The following LPIN2 variants were observed in gnomAD, a reference collection of about 807,000 sequenced individuals.
LPIN2 encodes the protein phosphatidate phosphatase LPIN2.
In LPIN2, 55 loss-of-function variants were observed where a neutral mutation model predicts 111.4. The observed-to-expected ratio is 0.49, with a 90% CI of 0.40 to 0.62. The LOEUF (loss-of-function observed/expected upper bound fraction) is 0.62. LPIN2 is among the 20% of genes least tolerant of loss of function. LPIN2 has a pLI of 0.00. For synonymous variants in LPIN2, 425 were observed against 414.0 expected (o/e 1.03, Z -0.32); for missense variants, 992 against 1,112.1 (o/e 0.89, Z 1.54).
At chr18:2,944,100 T>C (rs1410863906) in intron 4 of LPIN2, among the ~76,000 whole-genome samples, 2 of 151,982 alleles carry the variant, frequency 1.3e-5, no homozygotes, top group East Asian at 3.8e-4. Context: ...TCCTAATTTT[T>C]CTTCTTAAGC....
intron 18 of LPIN2, 70 bp from the exon 19 acceptor site, chr18:2,920,951 T>A: frequency 2.9e-6 from 3 of 1,051,266 alleles, no homozygotes; most frequent in Non-Finnish European, 4.5e-6. Flanking sequence ...AGGCTCCTTG[T>A]GAGCCAGAAG....
intron 1 of LPIN2, among the ~76,000 whole-genome samples, chr18:2,975,424 T>C (rs2077995684): frequency 6.6e-6 from 1 of 152,140 alleles, no homozygotes; most frequent in Non-Finnish European, 1.5e-5. Context: ...AACTTCTGCC[T>C]CCCGGGTTCA....
chr18:2,995,446 A>G (rs920411898), intron 1 of LPIN2, among the ~76,000 whole-genome samples: 9 of 151,594 alleles, frequency 5.9e-5, no homozygotes, highest in Non-Finnish European at 1.0e-4. Flanking sequence ...GTTTTGGTGT[A>G]AAACTGTTTA....
At chr18:2,986,104 G>A (rs2078181748) in intron 1 of LPIN2, among the ~76,000 whole-genome samples, 1 of 152,210 alleles carries the variant, frequency 6.6e-6, no homozygotes, top group African/African-American at 2.4e-5. Flanking sequence ...CAAAGCATAT[G>A]AAGTGTTTCT....
At position 2,920,353 on chromosome 18, in the gene LPIN2, G is replaced by A; in HGVS notation, c.2631C>T (p.Phe877=). 1.2e-6 allele frequency: 2 copies of A among 1,614,156 alleles called. No individual in the cohort carries two copies. Among genetic ancestry groups the A allele is most frequent in the Non-Finnish European group, 1.7e-6 (2 of 1,180,044 alleles). The part of the protein sequence containing the change: ...EQNSAFPCPE[F]SSFCYWRDPI... ...GGTCTCGCCAGTAGCAGAAGGAGCT[G>A]AACTCCGGGCAGGGAAAAGCGGAAT... Residue 877 remains phenylalanine, a synonymous_variant, in exon 20 of 20, where the codon TTC becomes TTT. Coordinates refer to ENST00000677752, the MANE Select transcript of LPIN2 (RefSeq NM_001375808.2).
At chr18:2,979,068 C>T (rs1424688861) in intron 1 of LPIN2, 2 of 152,384 alleles carry the variant, frequency 1.3e-5, no homozygotes, top group African/African-American at 2.4e-5. Context: ...TGCCTCACTT[C>T]CTGGCCTCAA....
rs757677907 is a variant in LPIN2 at position 2,923,855 on chromosome 18, A to G, written c.2094T>C (p.Asp698=). 1 of 1,614,024 alleles carries G rather than the reference A, an allele frequency of 6.2e-7. No individual in the cohort carries two copies. Among genetic ancestry groups the G allele is most frequent in the Non-Finnish European group, 8.5e-7 (1 of 1,179,850 alleles). The change falls in exon 16 of 20, where the codon GAT becomes GAC. Residue 698 remains aspartate (D), a synonymous_variant. Transcript: ENST00000677752. ...SDIDGTITKS[D]ALGQILPQLG... is the part of the protein sequence containing the mutation. ...GCTGTGGGAGAATCTGTCCCAAAGCATCCGACCTAAGAAGACGGTAGAAAC... is the reference window on the plus strand; with the variant it reads ...GCTGTGGGAGAATCTGTCCCAAAGCGTCCGACCTAAGAAGACGGTAGAAAC...
rs73936863 is a variant in LPIN2 at position 2,926,481 on chromosome 18, C to T, written c.1793+242G>A. ...GCCAACATGGCTGAAGCGTTCCTCA[C>T]GGCCCCTTCCCATACGCTGGCGCCA... On this transcript the variant is annotated intron_variant, in intron 13 of 19. Transcript: ENST00000677752. Among the ~76,000 whole-genome samples the T allele has an allele frequency of 0.069, 10,552 of 152,238 alleles. 1,122 individuals are homozygous for T. Among genetic ancestry groups the T allele is most frequent in the African/African-American group, 0.23 (9,571 of 41,508 alleles).
At chr18:3,005,258 G>A (rs1302555908) in intron 1 of LPIN2, among the ~76,000 whole-genome samples, 1 of 151,442 alleles carries the variant, frequency 6.6e-6, no homozygotes, top group African/African-American at 2.4e-5. Flanking sequence ...GCCAAGGCAG[G>A]AGAATCGTTT....
intron 19 of LPIN2, 49 bp downstream of exon 19, chr18:2,920,729 T>C (rs1190153921): frequency 7.1e-7 from 1 of 1,402,352 alleles, no homozygotes; most frequent in Non-Finnish European, 1.0e-6. Flanking sequence ...TGTCCCCAAC[T>C]GTACCCCTGG....
intron 6 of LPIN2, 107 bp from the exon 7 acceptor site, chr18:2,938,144 A>AATGTG: frequency 4.8e-6 from 4 of 829,642 alleles, no homozygotes; most frequent in African/African-American, 1.7e-5. Context: ...TAACACATTC[A>AATGTG]TTAAGTATCT....
In LPIN2 at chr18:2,931,113, T is replaced by C. The variant is rs2077206944; in HGVS notation, c.1456+143A>G. 7.2e-6 allele frequency: 7 copies of C among 976,612 alleles called. No individual in the cohort carries two copies. The Admixed American group carries it at 1.4e-4, about 20-fold the overall frequency. The allele number at this position is 976,612 out of a possible 1,614,324, so 60.5% of individuals were successfully genotyped here. A position where few individuals can be genotyped will look rare whatever the true frequency, so the allele number is the denominator to read the frequency against. On this transcript the variant is annotated intron_variant, in intron 9 of 19. Coordinates refer to ENST00000677752, the MANE Select transcript of LPIN2 (RefSeq NM_001375808.2). ...AAGACCTTAAGTGAGGGTATAAGGG[T>C]CTGACATTACAGAACATACCTGTTA... is the stretch of plus-strand genomic sequence containing the variant.
chr18:3,010,410 T>C (rs974231401), intron 1 of LPIN2, among the ~76,000 whole-genome samples: 4 of 152,110 alleles, frequency 2.6e-5, no homozygotes, highest in Admixed American at 6.5e-5. Context: ...ATCTACCAAC[T>C]TGTGAGTTGT....
chr18:2,946,572 CG>C (rs71366619), intron 4 of LPIN2: 1 of 1,136,588 alleles, frequency 8.8e-7, no homozygotes, highest in South Asian at 1.2e-5. Flanking sequence ...GCCCAAACAC[CG>C]GGAACAGCAA....
At position 2,960,174 on chromosome 18, in the gene LPIN2, A is replaced by ATATG. The variant is rs1303131816; in HGVS notation, c.192+474_192+475insCATA. The stretch of plus-strand genomic sequence containing the variant: ...AGCAAAGCGAGACTCCGACTCAAAA[A>ATATG]TGTGTGTGTGTGTGTGTGTGTGTGT... On this transcript the variant is annotated intron_variant, in intron 2 of 19. Transcript: ENST00000677752. Among the ~76,000 whole-genome samples the ATATG allele has an allele frequency of 4.5e-4, 62 of 136,632 alleles. 1 individual carries two copies. The Middle Eastern group carries it at 0.022, about 48-fold the overall frequency. The allele number at this position is 136,632 out of a possible 152,430, so 89.6% of individuals were successfully genotyped here.
At chr18:2,978,554 T>C (rs1320290043) in intron 1 of LPIN2, among the ~76,000 whole-genome samples, 1 of 152,208 alleles carries the variant, frequency 6.6e-6, no homozygotes, top group Non-Finnish European at 1.5e-5. Context: ...ACTAAAGAAC[T>C]GTCACGATTG....
chr18:2,966,469 G>A (rs1416431785), intron 1 of LPIN2, among the ~76,000 whole-genome samples: 2 of 152,072 alleles, frequency 1.3e-5, no homozygotes, highest in Non-Finnish European at 2.9e-5. Flanking sequence ...GTGGAAACTC[G>A]GGTTCAGAAA....
intron 1 of LPIN2, among the ~76,000 whole-genome samples, chr18:3,007,154 A>G (rs984530840): frequency 1.3e-5 from 2 of 151,928 alleles, no homozygotes; most frequent in Non-Finnish European, 2.9e-5. Context: ...TACCTATTAT[A>G]TTTAGTTAGT....
intron 4 of LPIN2, among the ~76,000 whole-genome samples, chr18:2,949,532 C>T (rs1421106294): frequency 1.3e-5 from 2 of 152,100 alleles, no homozygotes; most frequent in Non-Finnish European, 2.9e-5. Flanking sequence ...CAAAGTGTTA[C>T]ATATTCAGCG....
Sources: gnomAD v4.1 joint callset for allele counts (sites outside exome capture counted in the v4.1 genomes callset) on GRCh38, gnomAD v4.1.1 for gene constraint, MANE v1.5 for transcripts, NCBI Gene and HGNC (gene_info 2026-07-23, HGNC 2026-07-21) for gene names.